Variants in PEAK1 observed in about 807,000 individuals in gnomAD.
PEAK1 encodes pseudopodium enriched atypical kinase 1.
Under a neutral mutation model 124.7 loss-of-function variants are expected in PEAK1, and 54 were observed. The ratio of observed to expected loss-of-function variants is 0.43; its 90% CI spans 0.35 to 0.54. PEAK1 has a LOEUF of 0.54. Ranked by LOEUF, PEAK1 falls within the 20% of genes least tolerant of loss-of-function variation. The probability of loss-of-function intolerance (pLI) is 0.01; values close to 1 mark genes in which losing one functional copy is unlikely to be tolerated. For missense variants in PEAK1, 2,046 were observed against 2,134.5 expected (o/e 0.96, Z 0.82); for synonymous variants, 719 against 760.0 (o/e 0.95, Z 0.89).
intron 1 of PEAK1, chr15:77,404,571 G>C: frequency 1.2e-6 from 1 of 824,568 alleles, no homozygotes; most frequent in African/African-American, 1.9e-5. Context: ...GTGGCTACTA[G>C]AAAATTTGAA....
intron 2 of PEAK1, among the ~76,000 whole-genome samples, chr15:77,315,424 T>A (rs2064807737): frequency 6.6e-6 from 1 of 152,136 alleles, no homozygotes. Flanking sequence ...ACTAACAGAG[T>A]TACTTAGCAT....
At chr15:77,317,609 A>G (rs2064957382) in intron 2 of PEAK1, among the ~76,000 whole-genome samples, 1 of 152,186 alleles carries the variant, frequency 6.6e-6, no homozygotes, top group African/African-American at 2.4e-5. Flanking sequence ...GCTGGTTAAA[A>G]ACAGACAGAA....
rs1279861752 is a variant in PEAK1 at position 77,180,408 on chromosome 15, A to G, written c.1519T>C (p.Ser507Pro). 1 of 1,613,762 alleles carries G rather than the reference A, an allele frequency of 6.2e-7. No homozygotes were observed. Among genetic ancestry groups the G allele is most frequent in the Admixed American group, 1.7e-5 (1 of 59,972 alleles). Residue 507 changes from serine (S) to proline (P), a missense_variant, in exon 7 of 10, where the codon TCT (serine) becomes CCT (proline). Physicochemically the swap from Ser to Pro is moderately conservative, Grantham distance 74 (BLOSUM62 -1). Transcript: ENST00000682557. ...KTKSSSSTPN[S>P]PVTSSSLTPG... ...GTCAATGAAGATGATGTAACTGGAG[A>G]GTTTGGAGTAGAGGATGAGCTTTTT...
intron 6 of PEAK1, among the ~76,000 whole-genome samples, chr15:77,221,978 A>C (rs1284918141): frequency 6.6e-6 from 1 of 152,048 alleles, no homozygotes; most frequent in Non-Finnish European, 1.5e-5. Context: ...GTACAGTAAG[A>C]ATGTCACTAC....
At chr15:77,253,482 T>C (rs1046077593) in intron 5 of PEAK1, among the ~76,000 whole-genome samples, 1 of 152,198 alleles carries the variant, frequency 6.6e-6, no homozygotes, top group African/African-American at 2.4e-5. Flanking sequence ...TATTCATTTC[T>C]TCCTGTAGAA....
At chr15:77,317,238 C>A in intron 2 of PEAK1, among the ~76,000 whole-genome samples, 1 of 151,938 alleles carries the variant, frequency 6.6e-6, no homozygotes, top group East Asian at 1.9e-4. Flanking sequence ...GTTTTCATTT[C>A]CTAGTGTAAA....
Position 77,260,116 on chromosome 15 carries a change from CAAG to C in PEAK1, c.-274-7593_-274-7591del, listed in dbSNP as rs546341184. 6.6e-3 allele frequency among the ~76,000 whole-genome samples: 1,004 copies of C among 152,184 alleles called. 7 individuals carry two copies. The highest frequency in any genetic ancestry group is 9.0e-3 in the Non-Finnish European group (614 of 68,012). On this transcript the variant is annotated intron_variant, in intron 5 of 9. Coordinates refer to ENST00000682557, the MANE Select transcript of PEAK1 (RefSeq NM_001385026.1). The stretch of plus-strand genomic sequence containing the variant: ...CAAGAATTCAACAAGCTCCCTTCCG[CAAG>C]AAGAGAGAAACCCAAATATACAAAG...
rs115230057 is a variant in PEAK1 at position 77,267,716 on chromosome 15, C to A, written c.-274-15190G>T. 4.5e-3 allele frequency among the ~76,000 whole-genome samples: 683 copies of A among 152,216 alleles called. 5 individuals are homozygous for A. Among genetic ancestry groups the A allele is most frequent in the African/African-American group, 0.016 (654 of 41,544 alleles). On this transcript the variant is annotated intron_variant, in intron 5 of 9. Coordinates refer to ENST00000682557, the MANE Select transcript of PEAK1 (RefSeq NM_001385026.1). ...TGGGACAAAAGAATCTGAACAGCAG[C>A]CTTTGAGTCTCAGATCTTCCCTTTG...
intron 5 of PEAK1, among the ~76,000 whole-genome samples, chr15:77,257,271 T>G (rs1333288358): frequency 6.6e-6 from 1 of 151,640 alleles, no homozygotes; most frequent in African/African-American, 2.4e-5. Context: ...CAAATGGTAT[T>G]TCTAGTTCTA....
rs1369921463 is a variant in PEAK1, at chr15:77,113,577, T to G, written c.*579A>C. On this transcript the variant is annotated 3_prime_UTR_variant, in exon 10 of 10. Transcript: ENST00000682557. ...GGGTCTATGACCCAAGGATGGGATC[T>G]CTCCTTTTCTTTCTACTCTCTCCTG... The G allele has an allele frequency of 6.4e-6, 1 of 155,748 alleles. No individual in the cohort carries two copies. Among genetic ancestry groups the G allele is most frequent in the African/African-American group, 2.4e-5 (1 of 41,476 alleles). The allele number at this position is 155,748 out of a possible 1,614,324, so 9.6% of individuals were successfully genotyped here.
intron 1 of PEAK1, among the ~76,000 whole-genome samples, chr15:77,383,640 C>A (rs1035897109): frequency 4.6e-5 from 7 of 152,138 alleles, no homozygotes; most frequent in African/African-American, 1.7e-4. Context: ...CTCAAACTGG[C>A]ATCACCCCCA....
chr15:77,366,583 T>C (rs2068255068), intron 1 of PEAK1, among the ~76,000 whole-genome samples: 1 of 152,106 alleles, frequency 6.6e-6, no homozygotes. Context: ...TGAGACAGGA[T>C]CTCACTCTGT....
intron 1 of PEAK1, among the ~76,000 whole-genome samples, chr15:77,414,207 CTTTT>C (rs71145827): frequency 5.9e-5 from 4 of 67,914 alleles, no homozygotes; most frequent in East Asian, 6.3e-4. Flanking sequence ...TTCTTTCCTT[CTTTT>C]TTTTTTTTTT....
intron 2 of PEAK1, among the ~76,000 whole-genome samples, chr15:77,342,735 A>G (rs1056402482): frequency 6.6e-6 from 1 of 152,094 alleles, no homozygotes; most frequent in Non-Finnish European, 1.5e-5. Context: ...TGACTGGATT[A>G]TTTCACTTAG....
intron 6 of PEAK1, among the ~76,000 whole-genome samples, chr15:77,198,060 A>C (rs983832912): frequency 6.6e-6 from 1 of 152,224 alleles, no homozygotes; most frequent in Admixed American, 6.5e-5. Flanking sequence ...CAAAACTTAA[A>C]TGAGAGAAAT....
intron 8 of PEAK1, among the ~76,000 whole-genome samples, chr15:77,136,228 C>A (rs2053311686): frequency 1.3e-5 from 2 of 152,122 alleles, no homozygotes; most frequent in South Asian, 4.1e-4. Context: ...TTTGGCCCTG[C>A]CCTAGAGATT....
chr15:77,265,692 G>C (rs1254885875), intron 5 of PEAK1, among the ~76,000 whole-genome samples: 1 of 152,084 alleles, frequency 6.6e-6, no homozygotes, highest in Non-Finnish European at 1.5e-5. Context: ...GTGGAAGTCA[G>C]TGTGGCGATT....
Position 77,133,651 on chromosome 15 carries a change from G to C in PEAK1, c.3431C>G (p.Ala1144Gly). The change falls in exon 9 of 10, where the codon GCA (alanine) becomes GGA (glycine). Residue 1144 changes from alanine (A) to glycine (G), a missense_variant. Ala to Gly is a moderately conservative substitution (Grantham distance 60, BLOSUM62 0). Coordinates refer to ENST00000682557, the MANE Select transcript of PEAK1 (RefSeq NM_001385026.1). This position sits in a 1 kb window ranked among gnomAD's most constrained non-coding sequence, Gnocchi z 4.2. ...IAFGGKTDQE[A>G]PNASQPTPPP... is the part of the protein sequence containing the mutation. ...TGGTGTAGGTTGGGAAGCATTGGGT[G>C]CTTCTTGGTCTGTTTTCCCTCCAAA... The C allele has an allele frequency of 6.2e-7, 1 of 1,614,144 alleles. No homozygotes were observed. The highest frequency in any genetic ancestry group is 8.5e-7 in the Non-Finnish European group (1 of 1,180,022).
Position 77,377,132 on chromosome 15 carries a change from C to T in PEAK1, c.-665-11907G>A, listed in dbSNP as rs538899401. ...GGGGGCAGTGGCTCATGCCTGTAAT[C>T]CCAACACTTTGGGAGACCAAGGTGA... On this transcript the variant is annotated intron_variant, in intron 1 of 9. Coordinates refer to ENST00000682557, the MANE Select transcript of PEAK1 (RefSeq NM_001385026.1). Among the ~76,000 whole-genome samples, 3 of 152,282 alleles carry T rather than the reference C, an allele frequency of 2.0e-5. No homozygotes were observed. In the South Asian group the frequency reaches 6.2e-4, roughly 32 times the overall value.
Sources: gnomAD v4.1 joint callset for allele counts (sites outside exome capture counted in the v4.1 genomes callset) on GRCh38, gnomAD v4.1.1 for gene constraint, Gnocchi (gnomAD v3.1) non-coding constraint, MANE v1.5 for transcripts, NCBI Gene and HGNC (gene_info 2026-07-23, HGNC 2026-07-21) for gene names.